Variants in TMTC2 observed in about 807,000 individuals in gnomAD.
TMTC2 encodes the protein transmembrane O-mannosyltransferase targeting cadherins 2, also known as protein O-mannosyl-transferase TMTC2.
Under a neutral mutation model 82.4 loss-of-function variants are expected in TMTC2, and 43 were observed. That is an observed-to-expected ratio of 0.52 (90% CI 0.41 to 0.67). The LOEUF (loss-of-function observed/expected upper bound fraction) is 0.67. Ranked by LOEUF, TMTC2 falls within the 30% of genes least tolerant of loss-of-function variation. The pLI is 0.00. For missense variants in TMTC2, 919 were observed against 1,012.4 expected, an observed-to-expected ratio of 0.91 and a Z score of 1.25; for synonymous variants, 408 against 381.9, an observed-to-expected ratio of 1.07 and a Z score of -0.80.
chr12:83,045,136 A>G (rs1882038845), intron 9 of TMTC2, among the ~76,000 whole-genome samples: 1 of 152,042 alleles, frequency 6.6e-6, no homozygotes, highest in Non-Finnish European at 1.5e-5. Context: ...ATACAAAACA[A>G]TTGCTCTTTC....
chr12:82,763,066 G>GT (rs1876737823), intron 1 of TMTC2, among the ~76,000 whole-genome samples: 1 of 151,938 alleles, frequency 6.6e-6, no homozygotes, highest in East Asian at 1.9e-4. Context: ...ATAATAGTTA[G>GT]TTTTTTTAAA....
intron 2 of TMTC2, among the ~76,000 whole-genome samples, chr12:82,868,029 A>G (rs979533305): frequency 2.0e-5 from 3 of 152,214 alleles, no homozygotes; most frequent in Non-Finnish European, 4.4e-5. Context: ...GGAAATTTCT[A>G]AACTTCTTTG....
intron 3 of TMTC2, among the ~76,000 whole-genome samples, chr12:82,911,400 A>C (rs1186520709): frequency 8.6e-6 from 1 of 116,616 alleles, no homozygotes; most frequent in Non-Finnish European, 1.6e-5. Flanking sequence ...TTCCCTTCCC[A>C]GCACTCTGTT....
chr12:83,054,606 TTATA>T (rs1349457178), intron 10 of TMTC2, among the ~76,000 whole-genome samples: 1 of 150,718 alleles, frequency 6.6e-6, no homozygotes. Flanking sequence ...TATATGTCAT[TTATA>T]TATATAGTAT....
intron 2 of TMTC2, among the ~76,000 whole-genome samples, chr12:82,871,691 G>A (rs74106152): frequency 8.7e-6 from 1 of 115,564 alleles, no homozygotes; most frequent in African/African-American, 4.5e-5. Context: ...CTGTGTGTGT[G>A]TGTGTGTGTG....
chr12:82,899,697 AAT>A (rs1397193815), intron 3 of TMTC2, among the ~76,000 whole-genome samples: 3 of 134,210 alleles, frequency 2.2e-5, no homozygotes, highest in East Asian at 2.1e-4. Flanking sequence ...TATATAAGAA[AAT>A]ATATATATGT....
chr12:82,704,373 A>T (rs906597379), intron 1 of TMTC2, among the ~76,000 whole-genome samples: 4 of 152,222 alleles, frequency 2.6e-5, no homozygotes, highest in African/African-American at 9.6e-5. Context: ...TTAAACATAA[A>T]CTAGAACTCA....
chr12:83,075,470 C>G (rs991472131), intron 11 of TMTC2, among the ~76,000 whole-genome samples: 4 of 152,036 alleles, frequency 2.6e-5, no homozygotes, highest in African/African-American at 9.7e-5. Context: ...CCCCTCCCCC[C>G]AAAATAGGTT....
intron 1 of TMTC2, among the ~76,000 whole-genome samples, chr12:82,716,124 A>C (rs1873883153): frequency 6.6e-6 from 1 of 152,168 alleles, no homozygotes; most frequent in African/African-American, 2.4e-5. Flanking sequence ...CTAATTTTGA[A>C]TGCAATAGGG....
At chr12:83,081,612 T>C (rs1883471248) in intron 11 of TMTC2, among the ~76,000 whole-genome samples, 1 of 152,210 alleles carries the variant, frequency 6.6e-6, no homozygotes, top group East Asian at 1.9e-4. Context: ...ATAGTACAGA[T>C]TTTGTGATTT....
At chr12:82,784,889 G>T (rs1413991034) in intron 1 of TMTC2, among the ~76,000 whole-genome samples, 4 of 149,224 alleles carry the variant, frequency 2.7e-5, no homozygotes, top group African/African-American at 9.8e-5. Flanking sequence ...TCTTTTTTTT[G>T]TTTGTTTTGT....
chr12:82,719,431 C>T (rs1874087088), intron 1 of TMTC2, among the ~76,000 whole-genome samples: 2 of 152,134 alleles, frequency 1.3e-5, no homozygotes, highest in South Asian at 2.1e-4. Context: ...TCATTAAGCA[C>T]AGTTACAAAA....
Position 82,965,111 on chromosome 12 carries a change from T to C in TMTC2, c.1684+2T>C. The C allele has an allele frequency of 6.2e-7, 1 of 1,601,082 alleles. No homozygotes were observed. Among genetic ancestry groups the C allele is most frequent in the Non-Finnish European group, 8.5e-7 (1 of 1,170,774 alleles). ...TTGGGAGCAGGCCTACCCTGGCTTG[T>C]AAGTAATACTCAAGTGTTTATTTTT... On this transcript the variant is annotated splice_donor_variant, in intron 5 of 11. Transcript: ENST00000321196. LOFTEE classifies it high-confidence loss of function.
At chr12:83,035,962 G>A (rs1427730920) in intron 9 of TMTC2, among the ~76,000 whole-genome samples, 1 of 152,132 alleles carries the variant, frequency 6.6e-6, no homozygotes, top group Non-Finnish European at 1.5e-5. Context: ...ATGAAATATT[G>A]AGGACTGATG....
At chr12:83,102,992 G>A (rs1215440333) in intron 11 of TMTC2, among the ~76,000 whole-genome samples, 2 of 152,122 alleles carry the variant, frequency 1.3e-5, no homozygotes, top group Admixed American at 6.5e-5. Flanking sequence ...GTAGAGGATA[G>A]AATAATGTTC....
chr12:83,028,491 T>C (rs2137418348), intron 8 of TMTC2, among the ~76,000 whole-genome samples: 1 of 152,290 alleles, frequency 6.6e-6, no homozygotes, highest in Admixed American at 6.5e-5. Context: ...GATGAGTCTA[T>C]AGTTTATATT....
chr12:82,903,297 A>G (rs1476175702), intron 3 of TMTC2, among the ~76,000 whole-genome samples: 1 of 152,206 alleles, frequency 6.6e-6, no homozygotes, highest in Non-Finnish European at 1.5e-5. Context: ...CTTAGCACTT[A>G]TCACTATTTG....
At chr12:83,066,954 A>AG (rs1882940247) in intron 11 of TMTC2, among the ~76,000 whole-genome samples, 1 of 151,966 alleles carries the variant, frequency 6.6e-6, no homozygotes, top group Non-Finnish European at 1.5e-5. Context: ...GGCCATAGTT[A>AG]GGGATAGAGA....
chr12:83,025,502 C>T (rs188804186), intron 8 of TMTC2, among the ~76,000 whole-genome samples: 3 of 152,110 alleles, frequency 2.0e-5, no homozygotes, highest in East Asian at 1.9e-4. Flanking sequence ...AGTGTCATTG[C>T]GGGAATTCCG....
Sources: gnomAD v4.1 joint callset for allele counts (sites outside exome capture counted in the v4.1 genomes callset) on GRCh38, gnomAD v4.1.1 for gene constraint, MANE v1.5 for transcripts, NCBI Gene and HGNC (gene_info 2026-07-23, HGNC 2026-07-21) for gene names.